TNFRSF11B: variants seen among roughly 807,000 people sequenced by gnomAD.
TNFRSF11B encodes tumor necrosis factor receptor superfamily member 11B.
TNFRSF11B carries 16 observed loss-of-function variants against 43.4 expected under a neutral mutation model. That is an observed-to-expected ratio of 0.37 (90% CI 0.25 to 0.56). The LOEUF is 0.56. Ranked by LOEUF, TNFRSF11B falls within the 20% of genes least tolerant of loss-of-function variation. The probability of loss-of-function intolerance (pLI) is 0.80; values close to 1 mark genes in which losing one functional copy is unlikely to be tolerated. For synonymous variants in TNFRSF11B, 185 were observed against 181.8 expected, an observed-to-expected ratio of 1.02 and a Z score of -0.14; for missense variants, 444 against 490.1, an observed-to-expected ratio of 0.91 and a Z score of 0.89.
chr8:118,928,404 A>G lies in TNFRSF11B; in HGVS notation c.592+334T>C, dbSNP rs144302646. Among the ~76,000 whole-genome samples, 263 of 152,362 alleles carry G rather than the reference A, an allele frequency of 1.7e-3. 2 individuals carry two copies. Among genetic ancestry groups the G allele is most frequent in the African/African-American group, 5.7e-3 (237 of 41,598 alleles). On this transcript the variant is annotated intron_variant, in intron 3 of 4. Coordinates refer to ENST00000297350, the MANE Select transcript of TNFRSF11B (RefSeq NM_002546.4). ...TAATAATACAGACATTCTTGAAAGT[A>G]ATAACACACAACTTGAATTCTACAG...
intron 3 of TNFRSF11B, among the ~76,000 whole-genome samples, chr8:118,927,131 G>C (rs957791161): frequency 1.3e-5 from 2 of 152,146 alleles, no homozygotes; most frequent in African/African-American, 4.8e-5. Flanking sequence ...CAGTAATTTG[G>C]AATAGTGTGT....
Position 118,926,554 on chromosome 8 carries a change from G to T in TNFRSF11B, c.757C>A (p.Leu253Met). The change falls in exon 4 of 5, where the codon CTG (leucine) becomes ATG (methionine). Residue 253 changes from leucine (L) to methionine (M), a missense_variant. Leu to Met is a conservative substitution (Grantham distance 15). Coordinates refer to ENST00000297350, the MANE Select transcript of TNFRSF11B (RefSeq NM_002546.4). Reference protein sequence around the residue: ...QHSSQEQTFQLLKLWKHQNKD... With the variant: ...QHSSQEQTFQMLKLWKHQNKD... ...TTTTGATGTTTCCATAACTTCAGCA[G>T]CTGGAAAGTCTGTTCTTGTGAGCTG... 1 of 1,614,072 alleles carries T rather than the reference G, an allele frequency of 6.2e-7. No homozygotes were observed. Among genetic ancestry groups the T allele is most frequent in the Non-Finnish European group, 8.5e-7 (1 of 1,179,990 alleles).
At chr8:118,945,590 A>C (rs1554618444) in intron 1 of TNFRSF11B, among the ~76,000 whole-genome samples, 1 of 152,124 alleles carries the variant, frequency 6.6e-6, no homozygotes, top group Non-Finnish European at 1.5e-5. Flanking sequence ...CCCACAACTG[A>C]ATTGTTAAAT....
At chr8:118,926,819 T>C in intron 3 of TNFRSF11B, 101 bp from the exon 4 acceptor site, 1 of 1,185,370 alleles carries the variant, frequency 8.4e-7, no homozygotes, top group South Asian at 1.3e-5. Context: ...AATTGAATTT[T>C]CCAAGATAAA....
chr8:118,923,662 T>C lies in TNFRSF11B; in HGVS notation c.*712A>G, dbSNP rs11573948. 3.3e-5 allele frequency: 5 copies of C among 152,770 alleles called. No individual in the cohort carries two copies. In the South Asian group the frequency reaches 1.0e-3, roughly 32 times the overall value. The allele number at this position is 152,770 out of a possible 1,614,324, so 9.5% of individuals were successfully genotyped here. A position where few individuals can be genotyped will look rare whatever the true frequency, so the allele number is the denominator to read the frequency against. On this transcript the variant is annotated 3_prime_UTR_variant, in exon 5 of 5. Transcript: ENST00000297350. ...TTTCTCAGAGCATCTAATATTCAGA[T>C]AATTTATATTTCATATGTTTTCCAA...
chr8:118,934,415 A>C (rs1286631884), intron 1 of TNFRSF11B, among the ~76,000 whole-genome samples: 1 of 152,208 alleles, frequency 6.6e-6, no homozygotes, highest in Non-Finnish European at 1.5e-5. Flanking sequence ...TAAGTAAATT[A>C]ACTGACCACA....
intron 2 of TNFRSF11B, chr8:118,929,136 T>C (rs1486394805): frequency 5.1e-6 from 3 of 586,870 alleles, no homozygotes; most frequent in African/African-American, 1.9e-5. Flanking sequence ...CTCCTTGTAA[T>C]GCAAATGCAA....
intron 1 of TNFRSF11B, among the ~76,000 whole-genome samples, chr8:118,945,365 C>A (rs1463171650): frequency 6.6e-6 from 1 of 152,040 alleles, no homozygotes; most frequent in Non-Finnish European, 1.5e-5. Context: ...TTTAGAGATG[C>A]TGGAAGTAAG....
At position 118,928,790 on chromosome 8, in the gene TNFRSF11B, T is replaced by A; in HGVS notation, c.540A>T (p.Thr180=). ...TGTTTCCGGAACATATGTTGTCGTG[T>A]GTTGCATTTCCTTTCTGAGTTAGCA... ...GLLLTQKGNA[T]HDNICSGNSE... The change falls in exon 3 of 5, where the codon ACA becomes ACT. Residue 180 remains threonine (T), a synonymous_variant. Coordinates refer to ENST00000297350, the MANE Select transcript of TNFRSF11B (RefSeq NM_002546.4). 6.2e-7 allele frequency: 1 copy of A among 1,614,226 alleles called. No homozygotes were observed. The highest frequency in any genetic ancestry group is 8.5e-7 in the Non-Finnish European group (1 of 1,180,038).
chr8:118,944,957 C>G (rs1026874133), intron 1 of TNFRSF11B, among the ~76,000 whole-genome samples: 9 of 152,100 alleles, frequency 5.9e-5, no homozygotes, highest in Admixed American at 2.6e-4. Context: ...TATGCACATT[C>G]ATAACTTCTA....
intron 1 of TNFRSF11B, among the ~76,000 whole-genome samples, chr8:118,940,479 A>G (rs1224667605): frequency 1.3e-5 from 2 of 152,230 alleles, no homozygotes; most frequent in Non-Finnish European, 2.9e-5. Flanking sequence ...ACTACTTAGT[A>G]ACCATGATCC....
chr8:118,924,822 A>G, intron 4 of TNFRSF11B, 60 bp from the exon 5 acceptor site: 1 of 1,608,262 alleles, frequency 6.2e-7, no homozygotes, highest in South Asian at 1.1e-5. Flanking sequence ...CAATGCCATC[A>G]TAAAACAAGC....
rs151300968 is a variant in TNFRSF11B, at chr8:118,940,176, G to A, written c.31-6876C>T. On this transcript the variant is annotated intron_variant, in intron 1 of 4. Coordinates refer to ENST00000297350, the MANE Select transcript of TNFRSF11B (RefSeq NM_002546.4). ...CAGGGAACATCACACACCAGGGCCTGTCGTGGGGTGGGGGGAGCAGGGAGG... is the reference window on the plus strand; with the variant it reads ...CAGGGAACATCACACACCAGGGCCTATCGTGGGGTGGGGGGAGCAGGGAGG... Among the ~76,000 whole-genome samples, 362 of 152,286 alleles carry A rather than the reference G, an allele frequency of 2.4e-3. 5 individuals are homozygous for A. The highest frequency in any genetic ancestry group is 8.2e-3 in the African/African-American group (339 of 41,552).
chr8:118,933,645 T>A (rs1052635227), intron 1 of TNFRSF11B, among the ~76,000 whole-genome samples: 1 of 152,122 alleles, frequency 6.6e-6, no homozygotes, highest in East Asian at 1.9e-4. Context: ...GGTGAGTGAG[T>A]TGGATTAACT....
At chr8:118,937,048 A>C (rs1373567335) in intron 1 of TNFRSF11B, among the ~76,000 whole-genome samples, 1 of 152,142 alleles carries the variant, frequency 6.6e-6, no homozygotes, top group Admixed American at 6.5e-5. Flanking sequence ...TTTTGAAAGG[A>C]AAGTTAAGGT....
At chr8:118,936,413 G>A (rs1361038082) in intron 1 of TNFRSF11B, among the ~76,000 whole-genome samples, 2 of 152,070 alleles carry the variant, frequency 1.3e-5, no homozygotes, top group Non-Finnish European at 2.9e-5. Context: ...TGGATGTTTA[G>A]GTCTCAATCT....
At position 118,951,782 on chromosome 8, in the gene TNFRSF11B, A is replaced by G. The variant is rs1812650909; in HGVS notation, c.30+10T>C. ...GCGCCGGGCACCCGTCGGCTGGCCC[A>G]GGGACTTACCACGAGCGCGCAGCAC... On this transcript the variant is annotated intron_variant, in intron 1 of 4. Transcript: ENST00000297350. 3 of 1,589,124 alleles carry G rather than the reference A, an allele frequency of 1.9e-6. No homozygotes were observed. In the South Asian group the frequency reaches 3.4e-5, roughly 18 times the overall value.
chr8:118,946,982 T>C (rs1342593162), intron 1 of TNFRSF11B, among the ~76,000 whole-genome samples: 1 of 152,138 alleles, frequency 6.6e-6, no homozygotes, highest in African/African-American at 2.4e-5. Context: ...CAGTCCCAAC[T>C]GGATGGGAAG....
intron 1 of TNFRSF11B, among the ~76,000 whole-genome samples, chr8:118,936,461 C>T (rs1196758521): frequency 6.6e-6 from 1 of 152,048 alleles, no homozygotes; most frequent in African/African-American, 2.4e-5. Context: ...TTTCTGGACT[C>T]AGTTACTGGA....
Sources: allele counts gnomAD v4.1 joint callset (sites outside exome capture counted in the v4.1 genomes callset), GRCh38; gene constraint gnomAD v4.1.1; transcripts MANE v1.5; gene names NCBI Gene and HGNC (gene_info 2026-07-23, HGNC 2026-07-21).